Variants in BCL11A observed in about 807,000 individuals in gnomAD.
BCL11A encodes the protein B cell CLL/lymphoma 11A.
BCL11A carries 2 observed loss-of-function variants against 55.9 expected under a neutral mutation model. That is an observed-to-expected ratio of 0.04 (90% CI 0.01 to 0.11). BCL11A has a LOEUF of 0.11. BCL11A is among the 10% of genes least tolerant of loss of function. The probability of loss-of-function intolerance (pLI) is 1.00; values close to 1 mark genes in which losing one functional copy is unlikely to be tolerated. For synonymous variants in BCL11A, 465 were observed against 473.4 expected (o/e 0.98, Z 0.23); for missense variants, 817 against 1,137.1 (o/e 0.72, Z 4.05).
At chr2:60,517,419 A>C (rs756427254) in intron 2 of BCL11A, among the ~76,000 whole-genome samples, 1 of 152,254 alleles carries the variant, frequency 6.6e-6, no homozygotes, top group Non-Finnish European at 1.5e-5. Context: ...CAAGGCAAGA[A>C]GAAAGGGCAA....
chr2:60,499,154 C>G (rs1573012447), intron 2 of BCL11A, among the ~76,000 whole-genome samples: 1 of 152,344 alleles, frequency 6.6e-6, no homozygotes, highest in South Asian at 2.1e-4. Flanking sequence ...CTTCTCTGGT[C>G]TCGGGGCCCA....
intron 2 of BCL11A, among the ~76,000 whole-genome samples, chr2:60,473,998 T>C (rs541289277): frequency 1.3e-5 from 2 of 152,346 alleles, no homozygotes; most frequent in South Asian, 4.1e-4. Flanking sequence ...ATATAGAATT[T>C]CTTCCCTGAA....
chr2:60,495,224 G>T (rs1040048796), intron 2 of BCL11A, among the ~76,000 whole-genome samples: 1 of 141,596 alleles, frequency 7.1e-6, no homozygotes, highest in Non-Finnish European at 1.5e-5. Context: ...CCCCACCCAC[G>T]CCCCCACCCT....
At chr2:60,468,137 ATGGTGGTGGTGG>A (rs1177724594) in intron 3 of BCL11A, among the ~76,000 whole-genome samples, 1 of 137,620 alleles carries the variant, frequency 7.3e-6, no homozygotes, top group East Asian at 2.3e-4. Flanking sequence ...GGTGGTGGTG[ATGGTGGTGGTGG>A]TGGTGGTGAT....
At position 60,460,141 on chromosome 2, in the gene BCL11A, A is replaced by G. The variant is rs898873257; in HGVS notation, c.*263T>C. On this transcript the variant is annotated 3_prime_UTR_variant, in exon 4 of 4. Transcript: ENST00000642384. ...GCAATAGTATTGCCCCATACAGATC[A>G]TGCATTCAAACGGTGAGAACATAAA... 1.0e-5 allele frequency: 13 copies of G among 1,241,628 alleles called. No homozygotes were observed. In the African/African-American group the frequency reaches 2.0e-4, roughly 19 times the overall value. The allele number at this position is 1,241,628 out of a possible 1,614,324, so 76.9% of individuals were successfully genotyped here. A position where few individuals can be genotyped will look rare whatever the true frequency, so the allele number is the denominator to read the frequency against.
At chr2:60,483,520 C>T (rs1678078479) in intron 2 of BCL11A, among the ~76,000 whole-genome samples, 1 of 152,212 alleles carries the variant, frequency 6.6e-6, no homozygotes, top group African/African-American at 2.4e-5. Flanking sequence ...CCCAAATCAA[C>T]TGCTGTCTAT....
Position 60,459,586 on chromosome 2 carries a change from C to T in BCL11A, c.*818G>A, listed in dbSNP as rs537842810. 5 of 1,027,860 alleles carry T rather than the reference C, an allele frequency of 4.9e-6. No individual in the cohort carries two copies. In the African/African-American group the frequency reaches 8.5e-5, roughly 17 times the overall value. The allele number at this position is 1,027,860 out of a possible 1,614,324, so 63.7% of individuals were successfully genotyped here. The stretch of plus-strand genomic sequence containing the variant: ...TACAATATAGAATTATATGCTAGTT[C>T]CTAAGGTTTATTACCTCACCCAATG... On this transcript the variant is annotated 3_prime_UTR_variant, in exon 4 of 4. Transcript: ENST00000642384.
chr2:60,457,366 T>TAA lies in BCL11A; in HGVS notation c.*3036_*3037dup, dbSNP rs1170337542. On this transcript the variant is annotated 3_prime_UTR_variant, in exon 4 of 4. Coordinates refer to ENST00000642384, the MANE Select transcript of BCL11A (RefSeq NM_022893.4). Reference sequence around the variant, plus strand: ...TTGTAATGACCTTTGGTCATCTAAATAAAAAAAAAAATAAAAACAAAGAAA... The same window carrying TAA: ...TTGTAATGACCTTTGGTCATCTAAATAAAAAAAAAAAAATAAAAACAAAGAAA... The TAA allele has an allele frequency of 1.7e-5, 14 of 819,488 alleles. No homozygotes were observed. Among genetic ancestry groups the TAA allele is most frequent in the Admixed American group, 6.3e-5 (1 of 15,792 alleles). 50.8% of individuals were successfully genotyped at this position (819,488 alleles called of 1,614,324 possible).
At chr2:60,468,867 T>C (rs1174380475) in intron 2 of BCL11A, 34 bp from the exon 3 acceptor site, 1 of 1,365,152 alleles carries the variant, frequency 7.3e-7, no homozygotes, top group African/African-American at 1.4e-5. Flanking sequence ...GCACTACAGC[T>C]ACAAACAACG....
chr2:60,550,292 G>T (rs946134190), intron 1 of BCL11A, among the ~76,000 whole-genome samples: 5 of 152,222 alleles, frequency 3.3e-5, no homozygotes, highest in Admixed American at 6.5e-5. Context: ...CGCGCGCCCG[G>T]TCGCTTCTCC....
chr2:60,479,784 A>G (rs974253476), intron 2 of BCL11A, among the ~76,000 whole-genome samples: 1 of 152,254 alleles, frequency 6.6e-6, no homozygotes, highest in South Asian at 2.1e-4. Context: ...CATGGCCACA[A>G]AAATTTGCCT....
intron 2 of BCL11A, among the ~76,000 whole-genome samples, chr2:60,506,698 G>T (rs915733726): frequency 6.6e-6 from 1 of 152,224 alleles, no homozygotes; most frequent in African/African-American, 2.4e-5. Context: ...TACCACTGAT[G>T]ACAGCCCCCC....
intron 2 of BCL11A, among the ~76,000 whole-genome samples, chr2:60,484,859 G>T (rs914995688): frequency 6.6e-6 from 1 of 151,810 alleles, no homozygotes; most frequent in Non-Finnish European, 1.5e-5. Flanking sequence ...CTGGGGAGAT[G>T]GGAGAAGGGG....
chr2:60,532,647 G>A (rs1291250791), intron 2 of BCL11A, among the ~76,000 whole-genome samples: 1 of 152,130 alleles, frequency 6.6e-6, no homozygotes, highest in Non-Finnish European at 1.5e-5. Context: ...ATCATGTGTT[G>A]TTCATTATTA....
At chr2:60,531,479 G>A (rs914131581) in intron 2 of BCL11A, among the ~76,000 whole-genome samples, 1 of 152,188 alleles carries the variant, frequency 6.6e-6, no homozygotes, top group Non-Finnish European at 1.5e-5. Flanking sequence ...ATGGTCAAAT[G>A]AGAGCAAGGT....
In BCL11A at chr2:60,458,452, T is replaced by A; in HGVS notation, c.*1952A>T. ...AAAAATTTTTCTTAACATTTATATT[T>A]AAAAAAGTTTTGTACAAAAAAATCC... On this transcript the variant is annotated 3_prime_UTR_variant, in exon 4 of 4. Coordinates refer to ENST00000642384, the MANE Select transcript of BCL11A (RefSeq NM_022893.4). The A allele has an allele frequency of 9.8e-7, 1 of 1,024,012 alleles. No individual in the cohort carries two copies. Among genetic ancestry groups the A allele is most frequent in the Non-Finnish European group, 1.2e-6 (1 of 851,940 alleles). The allele number at this position is 1,024,012 out of a possible 1,614,324, so 63.4% of individuals were successfully genotyped here.
At chr2:60,543,074 G>A (rs1170849050) in intron 2 of BCL11A, 1 of 148,516 alleles carries the variant, frequency 6.7e-6, no homozygotes. Context: ...AGAGGCCTGA[G>A]TACAGTGAAA....
intron 2 of BCL11A, among the ~76,000 whole-genome samples, chr2:60,493,071 T>G (rs761714662): frequency 1.3e-5 from 2 of 152,208 alleles, no homozygotes; most frequent in Non-Finnish European, 2.9e-5. Context: ...TTGTTACAAA[T>G]GGACTCATAC....
At chr2:60,452,643 G>A (rs765467462), downstream of BCL11A, 3 of 1,613,830 alleles carry the variant, frequency 1.9e-6, no homozygotes, top group Non-Finnish European at 2.5e-6. Flanking sequence ...TGGGTACTAC[G>A]CCGAATGGGG....
Sources: gnomAD v4.1 joint callset for allele counts (sites outside exome capture counted in the v4.1 genomes callset) on GRCh38, gnomAD v4.1.1 for gene constraint, MANE v1.5 for transcripts, NCBI Gene and HGNC (gene_info 2026-07-23, HGNC 2026-07-21) for gene names.